ARHGAP15: variants seen among roughly 807,000 people sequenced by gnomAD.
ARHGAP15 encodes Rho GTPase activating protein 15.
A neutral mutation model predicts 63.7 loss-of-function variants in ARHGAP15; 51 were observed. That is an observed-to-expected ratio of 0.80 (90% confidence interval 0.64 to 1.01). The LOEUF (loss-of-function observed/expected upper bound fraction) is 1.01, where lower values mean the gene tolerates loss of function less well. Ranked by LOEUF, ARHGAP15 falls within the 50% of genes least tolerant of loss-of-function variation. The probability of loss-of-function intolerance (pLI) is 0.00; values close to 1 mark genes in which losing one functional copy is unlikely to be tolerated. For missense variants in ARHGAP15, 560 were observed against 564.6 expected, an observed-to-expected ratio of 0.99 and a Z score of 0.08; for synonymous variants, 191 against 193.8, an observed-to-expected ratio of 0.99 and a Z score of 0.12.
intron 6 of ARHGAP15, among the ~76,000 whole-genome samples, chr2:143,369,245 A>T (rs1051577080): frequency 6.6e-6 from 1 of 152,252 alleles, no homozygotes; most frequent in Non-Finnish European, 1.5e-5. Context: ...AGTGATACTT[A>T]TGCTCTTCAA....
At chr2:143,157,065 A>C (rs1013003682) in intron 2 of ARHGAP15, among the ~76,000 whole-genome samples, 1 of 152,006 alleles carries the variant, frequency 6.6e-6, no homozygotes, top group African/African-American at 2.4e-5. Flanking sequence ...ACAAGCATGA[A>C]AACATCACAG....
chr2:143,600,625 T>C (rs1697731405), intron 11 of ARHGAP15, among the ~76,000 whole-genome samples: 1 of 152,168 alleles, frequency 6.6e-6, no homozygotes. Flanking sequence ...TTTAAATTGT[T>C]TTTACAAACC....
chr2:143,435,650 T>A lies in ARHGAP15; in HGVS notation c.524T>A (p.Phe175Tyr). The A allele has an allele frequency of 6.2e-7, 1 of 1,607,552 alleles. No individual in the cohort carries two copies. Among genetic ancestry groups the A allele is most frequent in the Non-Finnish European group, 8.5e-7 (1 of 1,177,924 alleles). ...TTCCTTCTACAGTCAGATATTGACT[T>A]CATCATATTGGATTGGTTCCACGCT... ...NEFLLQSDID[F>Y]IILDWFHAIK... Residue 175 changes from phenylalanine to tyrosine, a missense_variant, in exon 7 of 14, where the codon TTC (phenylalanine) becomes TAC (tyrosine). Transcript: ENST00000295095.
intron 2 of ARHGAP15, among the ~76,000 whole-genome samples, chr2:143,197,850 A>C (rs1173179299): frequency 6.6e-6 from 1 of 152,036 alleles, no homozygotes; most frequent in South Asian, 2.1e-4. Flanking sequence ...GATTTCTAGC[A>C]TCCTGTATAA....
At chr2:143,726,028 A>G (rs192631679) in intron 13 of ARHGAP15, among the ~76,000 whole-genome samples, 2 of 152,360 alleles carry the variant, frequency 1.3e-5, no homozygotes, top group East Asian at 3.9e-4. Flanking sequence ...ACCTACCCAT[A>G]TAAATCAATG....
intron 6 of ARHGAP15, among the ~76,000 whole-genome samples, chr2:143,262,093 G>A (rs970447221): frequency 6.6e-6 from 1 of 152,152 alleles, no homozygotes; most frequent in African/African-American, 2.4e-5. Context: ...TAAAAGATGT[G>A]TAACGCGTGC....
chr2:143,647,139 T>C (rs934354672), intron 12 of ARHGAP15, among the ~76,000 whole-genome samples: 3 of 151,922 alleles, frequency 2.0e-5, no homozygotes, highest in African/African-American at 7.2e-5. Flanking sequence ...TCCATAGAAA[T>C]GTGCCTATCA....
chr2:143,316,589 T>TTA (rs920712147), intron 6 of ARHGAP15, among the ~76,000 whole-genome samples: 5 of 147,574 alleles, frequency 3.4e-5, no homozygotes, highest in African/African-American at 9.9e-5. Flanking sequence ...AATATATATG[T>TTA]TATATATATT....
intron 12 of ARHGAP15, among the ~76,000 whole-genome samples, chr2:143,648,055 A>G (rs16822854): frequency 0.018 from 2,701 of 152,122 alleles, 82 homozygotes; most frequent in African/African-American, 0.063. Flanking sequence ...CTTGTTCCCT[A>G]CATCTACTAA....
chr2:143,391,698 A>G lies in ARHGAP15; in HGVS notation c.475-43903A>G, dbSNP rs142096309. Among the ~76,000 whole-genome samples the G allele has an allele frequency of 2.4e-3, 367 of 152,278 alleles. 2 individuals are homozygous for G. The highest frequency in any genetic ancestry group is 8.5e-3 in the African/African-American group (352 of 41,578). On this transcript the variant is annotated intron_variant, in intron 6 of 13. Transcript: ENST00000295095. The stretch of plus-strand genomic sequence containing the variant: ...GAAGTTACAGAATTTCCTTCCCACC[A>G]TCACTTGCAGAGCAGGATACCCCTT...
chr2:143,349,047 A>C (rs1309835761), intron 6 of ARHGAP15, among the ~76,000 whole-genome samples: 2 of 152,200 alleles, frequency 1.3e-5, no homozygotes, highest in African/African-American at 2.4e-5. Flanking sequence ...TGAACAACAC[A>C]TACAAATATA....
At chr2:143,429,506 A>C (rs1481863737) in intron 6 of ARHGAP15, among the ~76,000 whole-genome samples, 2 of 152,112 alleles carry the variant, frequency 1.3e-5, no homozygotes, top group Non-Finnish European at 2.9e-5. Context: ...GACATTGTTT[A>C]CTTTCCATTA....
intron 8 of ARHGAP15, among the ~76,000 whole-genome samples, chr2:143,473,960 C>T (rs972490727): frequency 6.6e-6 from 1 of 152,116 alleles, no homozygotes; most frequent in Admixed American, 6.5e-5. Context: ...CTGAAGAAGA[C>T]CGAAATCTCA....
At chr2:143,486,884 T>C (rs1692351146) in intron 8 of ARHGAP15, among the ~76,000 whole-genome samples, 1 of 152,190 alleles carries the variant, frequency 6.6e-6, no homozygotes, top group African/African-American at 2.4e-5. Context: ...AATACCTGCT[T>C]CAGAAAAATA....
At chr2:143,671,016 A>T (rs1392637835) in intron 12 of ARHGAP15, among the ~76,000 whole-genome samples, 1 of 152,162 alleles carries the variant, frequency 6.6e-6, no homozygotes, top group South Asian at 2.1e-4. Flanking sequence ...TCCTTTCTAT[A>T]GTTATATTTT....
At chr2:143,138,312 G>A (rs185152687) in intron 1 of ARHGAP15, among the ~76,000 whole-genome samples, 48 of 152,102 alleles carry the variant, frequency 3.2e-4, no homozygotes, top group South Asian at 6.2e-4. Flanking sequence ...AAAGCTTCTC[G>A]GTAGGCTGGG....
chr2:143,399,193 A>T (rs1558945248), intron 6 of ARHGAP15, among the ~76,000 whole-genome samples: 2 of 152,092 alleles, frequency 1.3e-5, no homozygotes, highest in Admixed American at 1.3e-4. Flanking sequence ...AACATTTCAC[A>T]TAATAATATA....
At chr2:143,216,988 T>A (rs992767253) in intron 4 of ARHGAP15, among the ~76,000 whole-genome samples, 2 of 152,172 alleles carry the variant, frequency 1.3e-5, no homozygotes, top group Non-Finnish European at 2.9e-5. Flanking sequence ...TAAAGAAAGA[T>A]GATAATTGTG....
In ARHGAP15 at chr2:143,393,167, A is replaced by T. The variant is rs958258898; in HGVS notation, c.475-42434A>T. Among the ~76,000 whole-genome samples, 4 of 152,176 alleles carry T rather than the reference A, an allele frequency of 2.6e-5. No individual in the cohort carries two copies. In the East Asian group the frequency reaches 7.7e-4, roughly 29 times the overall value. Reference sequence around the variant, plus strand: ...AAAGTTAAACCTAGACAGCTCAAAGATCTACCCAGCCAAAGCTAGCTTCCT... The same window carrying T: ...AAAGTTAAACCTAGACAGCTCAAAGTTCTACCCAGCCAAAGCTAGCTTCCT... On this transcript the variant is annotated intron_variant, in intron 6 of 13. Coordinates refer to ENST00000295095, the MANE Select transcript of ARHGAP15 (RefSeq NM_018460.4).
Sources: gnomAD v4.1 joint callset for allele counts (sites outside exome capture counted in the v4.1 genomes callset) on GRCh38, gnomAD v4.1.1 for gene constraint, MANE v1.5 for transcripts, NCBI Gene and HGNC (gene_info 2026-07-23, HGNC 2026-07-21) for gene names.